The following DOCK8 variants were observed in gnomAD, a reference collection of about 807,000 sequenced individuals.
DOCK8 encodes dedicator of cytokinesis protein 8.
A neutral mutation model predicts 245.6 loss-of-function variants in DOCK8; 141 were observed. That is an observed-to-expected ratio of 0.57 (90% CI 0.50 to 0.66). The LOEUF is 0.66. DOCK8 is among the 30% of genes least tolerant of loss of function. DOCK8 has a pLI of 0.00. For missense variants in DOCK8, 2,965 were observed against 2,603.4 expected (o/e 1.14, Z -3.02); for synonymous variants, 1,168 against 970.2 (o/e 1.20, Z -3.79).
chr9:445,767 A>G (rs189690262), intron 43 of DOCK8, among the ~76,000 whole-genome samples: 1 of 152,180 alleles, frequency 6.6e-6, no homozygotes, highest in African/African-American at 2.4e-5. Context: ...GTTGCTGGAG[A>G]CATTTGTGTA....
chr9:373,804 T>C (rs1019941638), intron 18 of DOCK8, among the ~76,000 whole-genome samples: 4 of 152,226 alleles, frequency 2.6e-5, no homozygotes, highest in African/African-American at 9.6e-5. Context: ...GCAATCCGAG[T>C]ATGTCCACAG....
intron 14 of DOCK8, among the ~76,000 whole-genome samples, chr9:359,819 A>AAG (rs2052634051): frequency 6.6e-6 from 1 of 151,568 alleles, no homozygotes; most frequent in African/African-American, 2.4e-5. Flanking sequence ...AAAAAAAAAA[A>AAG]AAAAATTACA....
chr9:332,506 G>C, intron 10 of DOCK8, 28 bp downstream of exon 10: 2 of 1,511,542 alleles, frequency 1.3e-6, no homozygotes, highest in South Asian at 1.1e-5. Flanking sequence ...TTGTTAAATG[G>C]AGACATCTTA....
chr9:368,129 G>A lies in DOCK8; in HGVS notation c.1791G>A (p.Ala597=), dbSNP rs777465602. ...QFMCGEDASN[A]MPVIFGKSSG... The stretch of plus-strand genomic sequence containing the variant: ...TGTGTGGAGAAGATGCTAGCAATGC[G>A]ATGCCGGTAAGGAGGGAAACGAACA... Residue 597 remains alanine (A), a synonymous_variant, in exon 15 of 48, where the codon GCG becomes GCA. Transcript: ENST00000432829. 5.0e-6 allele frequency: 8 copies of A among 1,613,602 alleles called. No individual in the cohort carries two copies. The highest frequency in any genetic ancestry group is 2.2e-5 in the East Asian group (1 of 44,884).
intron 1 of DOCK8, among the ~76,000 whole-genome samples, chr9:241,376 T>C (rs180858885): frequency 1.3e-5 from 2 of 152,294 alleles, no homozygotes; most frequent in African/African-American, 2.4e-5. Flanking sequence ...TCTCCCATCT[T>C]TCCCTTCCCC....
chr9:460,493 G>A (rs1344413796), intron 46 of DOCK8: 1 of 152,016 alleles, frequency 6.6e-6, no homozygotes, highest in Non-Finnish European at 1.5e-5. Context: ...TAGTTAAGAA[G>A]CAATAAAAAA....
intron 1 of DOCK8, among the ~76,000 whole-genome samples, chr9:270,919 T>G (rs192386723): frequency 1.3e-5 from 2 of 152,204 alleles, no homozygotes; most frequent in Non-Finnish European, 2.9e-5. Flanking sequence ...AACAGATAAG[T>G]GCTCAGAAGT....
upstream of DOCK8, among the ~76,000 whole-genome samples, chr9:211,917 G>C (rs1003932812): frequency 1.3e-5 from 2 of 152,200 alleles, no homozygotes; most frequent in African/African-American, 2.4e-5. Context: ...TGTGATTATG[G>C]AGAGATAGCT....
In DOCK8 at chr9:294,924, C is replaced by G. The variant is rs146823066; in HGVS notation, c.404+5343C>G. ...CCTGTAATCCCAGCACTTTGGGAGG[C>G]TGAGGCAGGTGGATCACTTGAGGTC... On this transcript the variant is annotated intron_variant, in intron 4 of 47. Transcript: ENST00000432829. 9.5e-3 allele frequency among the ~76,000 whole-genome samples: 1,453 copies of G among 152,314 alleles called. 14 individuals carry two copies. The highest frequency in any genetic ancestry group is 0.03 in the African/African-American group (1,246 of 41,570).
chr9:332,341 A>G lies in DOCK8; in HGVS notation c.1045-57A>G. The stretch of plus-strand genomic sequence containing the variant: ...AAATGTAATTTTGATGGTTGCATAG[A>G]TTCCTTTTTATGGATGTAATTTATG... On this transcript the variant is annotated intron_variant, in intron 9 of 47. Coordinates refer to ENST00000432829, the MANE Select transcript of DOCK8 (RefSeq NM_203447.4). 6.6e-6 allele frequency: 8 copies of G among 1,208,142 alleles called. No individual in the cohort carries two copies. In the South Asian group the frequency reaches 8.6e-5, roughly 13 times the overall value. The allele number at this position is 1,208,142 out of a possible 1,614,324, so 74.8% of individuals were successfully genotyped here. A position where few individuals can be genotyped will look rare whatever the true frequency, so the allele number is the denominator to read the frequency against.
chr9:310,438 T>C (rs2050046698), intron 5 of DOCK8, among the ~76,000 whole-genome samples: 1 of 152,256 alleles, frequency 6.6e-6, no homozygotes, highest in African/African-American at 2.4e-5. Context: ...TTTTACAGTT[T>C]TAAAAAGTTA....
At chr9:401,465 G>T (rs1157430823) in intron 26 of DOCK8, among the ~76,000 whole-genome samples, 1 of 152,096 alleles carries the variant, frequency 6.6e-6, no homozygotes, top group Admixed American at 6.5e-5. Flanking sequence ...GAGTCTCTGG[G>T]TCAGAGAGCT....
At chr9:272,920 A>G (rs778756321) in intron 2 of DOCK8, 25 of 448,580 alleles carry the variant, frequency 5.6e-5, no homozygotes, top group Admixed American at 6.4e-5. Context: ...CACACAGCAC[A>G]GCAGCACTCT....
rs1231074096 is a variant in DOCK8 at position 409,880 on chromosome 9, C to CT, written c.3530+2817dup. ...TCCCTACAAAGGACATGAACTCATC[C>CT]TTTTTTATGGCTGCATAGTATTCCA... On this transcript the variant is annotated intron_variant, in intron 28 of 47. Coordinates refer to ENST00000432829, the MANE Select transcript of DOCK8 (RefSeq NM_203447.4). Among the ~76,000 whole-genome samples the CT allele has an allele frequency of 2.6e-5, 4 of 152,200 alleles. No individual in the cohort carries two copies. The South Asian group carries it at 6.2e-4, about 24-fold the overall frequency.
rs2047337733 is a variant in DOCK8, at chr9:239,731, C to G, written c.53+24702C>G. ...TTTGACTTATTAATCATTTTAACAG[C>G]TTGATTGATATTTTTTCAGATACAC... On this transcript the variant is annotated intron_variant, in intron 1 of 47. Transcript: ENST00000432829. 2.6e-5 allele frequency among the ~76,000 whole-genome samples: 4 copies of G among 152,128 alleles called. No homozygotes were observed. The South Asian group carries it at 8.3e-4, about 31-fold the overall frequency.
chr9:451,973 ATATATTT>A (rs2057471731), intron 45 of DOCK8, 31 bp from the exon 46 acceptor site: 10 of 369,350 alleles, frequency 2.7e-5, no homozygotes, highest in African/African-American at 3.7e-5. Flanking sequence ...ATATATATAT[ATATATTT>A]TTTTTTTTTT....
intron 33 of DOCK8, among the ~76,000 whole-genome samples, chr9:425,401 G>A (rs12004360): frequency 0.3 from 45,501 of 151,644 alleles, 8,110 homozygotes; most frequent in African/African-American, 0.49. Flanking sequence ...GCGCGGTGGC[G>A]GGCGCCTGTA....
Position 226,099 on chromosome 9 carries a change from T to G in DOCK8, c.53+11070T>G, listed in dbSNP as rs188431146. On this transcript the variant is annotated intron_variant, in intron 1 of 47. Coordinates refer to ENST00000432829, the MANE Select transcript of DOCK8 (RefSeq NM_203447.4). ...AAGAAATACCCAAGACTGGATAATT[T>G]ATAAAGAAAAAAAGGTTTAATGGAC... 1.3e-3 allele frequency among the ~76,000 whole-genome samples: 202 copies of G among 152,314 alleles called. 2 individuals are homozygous for G. The highest frequency in any genetic ancestry group is 4.8e-3 in the African/African-American group (198 of 41,558).
chr9:399,636 T>C (rs985503717), intron 26 of DOCK8, among the ~76,000 whole-genome samples: 3 of 152,076 alleles, frequency 2.0e-5, no homozygotes, highest in African/African-American at 7.3e-5. Context: ...ATTAGGGTAA[T>C]TAATTAAATT....
Sources: gnomAD v4.1 joint callset for allele counts (sites outside exome capture counted in the v4.1 genomes callset) on GRCh38, gnomAD v4.1.1 for gene constraint, MANE v1.5 for transcripts, NCBI Gene and HGNC (gene_info 2026-07-23, HGNC 2026-07-21) for gene names.